HECW2: variants seen among roughly 807,000 people sequenced by gnomAD.
The protein encoded by HECW2 is HECT, C2 and WW domain containing E3 ubiquitin protein ligase 2.
A neutral mutation model predicts 175.2 loss-of-function variants in HECW2; 61 were observed. That is an observed-to-expected ratio of 0.35 (90% CI 0.28 to 0.43). The LOEUF (loss-of-function observed/expected upper bound fraction) is 0.43. Among genes scored for constraint, HECW2 ranks in the 20% least tolerant of loss-of-function variants. The pLI is 1.00. For missense variants in HECW2, 1,524 were observed against 2,000.5 expected (o/e 0.76, Z 4.54); for synonymous variants, 671 against 731.0 (o/e 0.92, Z 1.32).
intron 2 of HECW2, among the ~76,000 whole-genome samples, chr2:196,370,591 G>T (rs1250789246): frequency 6.6e-6 from 1 of 152,106 alleles, no homozygotes; most frequent in Admixed American, 6.6e-5. Context: ...ACAGCACCAG[G>T]ACTTGCCCAG....
chr2:196,360,054 A>G (rs1033818225), intron 2 of HECW2, among the ~76,000 whole-genome samples: 1 of 152,080 alleles, frequency 6.6e-6, no homozygotes, highest in Admixed American at 6.5e-5. Flanking sequence ...GCAGTGAGCT[A>G]TGATCATGCC....
chr2:196,273,152 C>T (rs903724066), intron 16 of HECW2, among the ~76,000 whole-genome samples: 6 of 148,348 alleles, frequency 4.0e-5, no homozygotes, highest in Non-Finnish European at 8.9e-5. Flanking sequence ...ACTGGAACCT[C>T]TGCCTCCCAG....
intron 2 of HECW2, among the ~76,000 whole-genome samples, chr2:196,374,884 C>T (rs1316577395): frequency 6.6e-6 from 1 of 151,304 alleles, no homozygotes; most frequent in South Asian, 2.1e-4. Flanking sequence ...TAGTTTTGGC[C>T]GGGCGCAGTG....
At chr2:196,271,082 T>C (rs4850693) in intron 17 of HECW2, 111 bp downstream of exon 17, 451,057 of 675,884 alleles carry the variant, frequency 0.67, 158,025 homozygotes, top group South Asian at 0.75. Context: ...CAAGATGTTT[T>C]GCAAAGGATG....
At chr2:196,444,051 A>G (rs951773519) in intron 1 of HECW2, among the ~76,000 whole-genome samples, 6 of 152,186 alleles carry the variant, frequency 3.9e-5, no homozygotes, top group African/African-American at 1.4e-4. Flanking sequence ...AAAAACAAAA[A>G]CAATTATTAA....
chr2:196,438,796 G>A (rs546494726), intron 1 of HECW2, among the ~76,000 whole-genome samples: 18 of 152,280 alleles, frequency 1.2e-4, no homozygotes, highest in African/African-American at 3.6e-4. Context: ...GTTTTCTGGG[G>A]ATAGACTTGA....
chr2:196,369,664 G>A (rs949872016), intron 2 of HECW2, among the ~76,000 whole-genome samples: 1 of 152,138 alleles, frequency 6.6e-6, no homozygotes, highest in Non-Finnish European at 1.5e-5. Flanking sequence ...AGGAACCAGG[G>A]CCTAGAGTAG....
chr2:196,284,067 T>C (rs1242348582), intron 14 of HECW2, among the ~76,000 whole-genome samples: 2 of 152,210 alleles, frequency 1.3e-5, no homozygotes, highest in East Asian at 3.9e-4. Flanking sequence ...CCTTTTTATG[T>C]TCTTCCCACT....
intron 19 of HECW2, among the ~76,000 whole-genome samples, chr2:196,250,709 A>G (rs2105906467): frequency 6.6e-6 from 1 of 152,184 alleles, no homozygotes; most frequent in Non-Finnish European, 1.5e-5. Flanking sequence ...TTCTTCCTTC[A>G]GTGTCGTGCT....
chr2:196,255,785 A>T (rs113808963), intron 18 of HECW2, among the ~76,000 whole-genome samples: 2,444 of 152,342 alleles, frequency 0.016, 70 homozygotes, highest in African/African-American at 0.055. Flanking sequence ...GAAATAAAAA[A>T]TAAAGGGCTG....
At chr2:196,255,346 T>C (rs1350285119) in intron 18 of HECW2, among the ~76,000 whole-genome samples, 1 of 152,056 alleles carries the variant, frequency 6.6e-6, no homozygotes, top group Non-Finnish European at 1.5e-5. Flanking sequence ...TATCTTTCTT[T>C]ATGCCTTTAT....
intron 2 of HECW2, among the ~76,000 whole-genome samples, chr2:196,407,394 G>T (rs1292141342): frequency 2.0e-5 from 3 of 151,712 alleles, no homozygotes; most frequent in Admixed American, 2.0e-4. Context: ...GAAAGACAGG[G>T]TTTCACCATG....
intron 1 of HECW2, among the ~76,000 whole-genome samples, chr2:196,455,057 C>T (rs1177130821): frequency 4.8e-5 from 7 of 146,694 alleles, no homozygotes; most frequent in East Asian, 2.0e-4. Context: ...TTTTTTGAGA[C>T]GGAGTCTCAC....
At position 196,322,093 on chromosome 2, in the gene HECW2, C is replaced by T. The variant is rs185436753; in HGVS notation, c.884+385G>A. ...AATGGCTCCAAGACAAGATTGTTTC[C>T]GTTTTTCAAGAGTAACAAGTTCTCT... On this transcript the variant is annotated intron_variant, in intron 7 of 28. Coordinates refer to ENST00000644978, the MANE Select transcript of HECW2 (RefSeq NM_001348768.2). Among the ~76,000 whole-genome samples, 93 of 152,242 alleles carry T rather than the reference C, an allele frequency of 6.1e-4. 1 individual carries two copies. The highest frequency in any genetic ancestry group is 2.1e-4 in the South Asian group (1 of 4,822).
chr2:196,500,639 C>T (rs996228737), intron 1 of HECW2, among the ~76,000 whole-genome samples: 3 of 152,146 alleles, frequency 2.0e-5, no homozygotes, highest in African/African-American at 2.4e-5. Context: ...ACCACTTTAC[C>T]ATTTAATTCC....
intron 1 of HECW2, among the ~76,000 whole-genome samples, chr2:196,454,003 T>TTTTG (rs746300853): frequency 3.7e-4 from 56 of 151,850 alleles, no homozygotes; most frequent in South Asian, 8.3e-4. Context: ...CTTCTATGGG[T>TTTTG]TTTGTTTGTT....
intron 1 of HECW2, among the ~76,000 whole-genome samples, chr2:196,473,997 CAGAAA>C (rs1697322275): frequency 6.6e-6 from 1 of 152,132 alleles, no homozygotes; most frequent in Non-Finnish European, 1.5e-5. Flanking sequence ...CTTCAGGAGG[CAGAAA>C]AGAAAACTCT....
At chr2:196,468,369 T>C (rs1697048672) in intron 1 of HECW2, among the ~76,000 whole-genome samples, 2 of 152,218 alleles carry the variant, frequency 1.3e-5, no homozygotes, top group South Asian at 2.1e-4. Flanking sequence ...AAGCCTCAAA[T>C]TGCATGGAGT....
intron 21 of HECW2, among the ~76,000 whole-genome samples, chr2:196,235,700 G>C (rs1688225542): frequency 8.2e-6 from 1 of 121,720 alleles, no homozygotes; most frequent in Non-Finnish European, 1.6e-5. Flanking sequence ...CTGTCGCCCT[G>C]GCTGGAGTGC....
Sources: gnomAD v4.1 joint callset for allele counts (sites outside exome capture counted in the v4.1 genomes callset) on GRCh38, gnomAD v4.1.1 for gene constraint, MANE v1.5 for transcripts, NCBI Gene and HGNC (gene_info 2026-07-23, HGNC 2026-07-21) for gene names.